The following ENOX1 variants were observed in gnomAD, a reference collection of about 807,000 sequenced individuals.
ENOX1 encodes the protein ecto-NOX disulfide-thiol exchanger 1.
Under a neutral mutation model 82.5 loss-of-function variants are expected in ENOX1, and 42 were observed. The ratio of observed to expected loss-of-function variants is 0.51; its 90% confidence interval spans 0.40 to 0.66. ENOX1 has a LOEUF of 0.66. Among genes scored for constraint, ENOX1 ranks in the 30% least tolerant of loss-of-function variants. The pLI, the probability that ENOX1 is intolerant of heterozygous loss-of-function variation, is 0.00. For missense variants in ENOX1, 608 were observed against 811.6 expected, an observed-to-expected ratio of 0.75 and a Z score of 3.05; for synonymous variants, 271 against 282.2, an observed-to-expected ratio of 0.96 and a Z score of 0.40.
chr13:43,785,741 A>G (rs1000655412), intron 1 of ENOX1, among the ~76,000 whole-genome samples: 3 of 152,106 alleles, frequency 2.0e-5, no homozygotes, highest in Non-Finnish European at 4.4e-5. Context: ...GATGACAACC[A>G]CAACACTCCA....
chr13:43,307,011 C>A (rs910230984), intron 11 of ENOX1, among the ~76,000 whole-genome samples: 5 of 152,106 alleles, frequency 3.3e-5, no homozygotes, highest in Non-Finnish European at 7.4e-5. Context: ...TTTTATAGTG[C>A]CAAATACTTG....
chr13:43,531,670 A>G (rs1401281441), intron 2 of ENOX1, among the ~76,000 whole-genome samples: 1 of 145,762 alleles, frequency 6.9e-6, no homozygotes, highest in Non-Finnish European at 1.5e-5. Flanking sequence ...ACTTGGAACC[A>G]ACCCAAATGT....
chr13:43,477,674 G>A (rs1404042158), intron 3 of ENOX1, among the ~76,000 whole-genome samples: 6 of 152,068 alleles, frequency 3.9e-5, no homozygotes. Flanking sequence ...TTAAAAGAAT[G>A]TTTCAACTCA....
chr13:43,689,419 TAATC>T, intron 1 of ENOX1, among the ~76,000 whole-genome samples: 1 of 152,304 alleles, frequency 6.6e-6, no homozygotes, highest in African/African-American at 2.4e-5. Flanking sequence ...GTTAGATACT[TAATC>T]AATGTATGTA....
At position 43,213,914 on chromosome 13, in the gene ENOX1, A is replaced by C. The variant is rs2041317465; in HGVS notation, c.*76T>G. The C allele has an allele frequency of 1.0e-5, 16 of 1,542,298 alleles. No homozygotes were observed. In the South Asian group the frequency reaches 1.7e-4, roughly 17 times the overall value. ...AGGTTGCGTGCTGGACCAACCCCAC[A>C]CCTCCTGCTTCCCCGTCGCACCGCC... On this transcript the variant is annotated 3_prime_UTR_variant, in exon 17 of 17. Transcript: ENST00000690772.
intron 2 of ENOX1, among the ~76,000 whole-genome samples, chr13:43,611,080 C>T (rs1213395907): frequency 2.6e-5 from 4 of 152,298 alleles, no homozygotes; most frequent in Admixed American, 2.6e-4. Context: ...TTATCTCCCT[C>T]CTATCCCACC....
chr13:43,461,371 C>A (rs1262118175), intron 3 of ENOX1, among the ~76,000 whole-genome samples: 5 of 152,180 alleles, frequency 3.3e-5, no homozygotes, highest in African/African-American at 9.7e-5. Context: ...TTCATTTATT[C>A]ACCTAGGGTT....
At chr13:43,568,977 C>T (rs568727289) in intron 2 of ENOX1, among the ~76,000 whole-genome samples, 1 of 152,174 alleles carries the variant, frequency 6.6e-6, no homozygotes, top group East Asian at 1.9e-4. Context: ...ATCCCCAGGG[C>T]TTGCAGCATG....
chr13:43,342,225 C>T (rs1261268263), intron 9 of ENOX1, among the ~76,000 whole-genome samples: 1 of 152,172 alleles, frequency 6.6e-6, no homozygotes, highest in Non-Finnish European at 1.5e-5. Flanking sequence ...CCGTGTCTAA[C>T]TGACACATCA....
intron 12 of ENOX1, among the ~76,000 whole-genome samples, chr13:43,294,556 G>C (rs1401537545): frequency 6.6e-6 from 1 of 152,132 alleles, no homozygotes; most frequent in African/African-American, 2.4e-5. Context: ...CAGACGCTTG[G>C]GAAAAGAGTT....
chr13:43,719,344 CACA>C (rs2088398558), intron 1 of ENOX1, among the ~76,000 whole-genome samples: 1 of 148,840 alleles, frequency 6.7e-6, no homozygotes. Context: ...CACACACACA[CACA>C]CCAGCAATCG....
chr13:43,688,428 T>C (rs142903837), intron 1 of ENOX1, among the ~76,000 whole-genome samples: 5 of 152,216 alleles, frequency 3.3e-5, no homozygotes, highest in Non-Finnish European at 7.4e-5. Flanking sequence ...ATTGACCAGA[T>C]GAGAGGTTGG....
At chr13:43,476,058 T>TA (rs1306576326) in intron 3 of ENOX1, among the ~76,000 whole-genome samples, 1 of 152,090 alleles carries the variant, frequency 6.6e-6, no homozygotes, top group Non-Finnish European at 1.5e-5. Context: ...ATTGAAGTGT[T>TA]AGAGTGTTTC....
At chr13:43,616,454 A>G (rs13378158) in intron 2 of ENOX1, among the ~76,000 whole-genome samples, 109,300 of 150,082 alleles carry the variant, frequency 0.73, 39,991 homozygotes, top group East Asian at 0.95. Context: ...CTCCCGCCTC[A>G]GCCTCCCAAA....
At chr13:43,378,304 A>T (rs2051785535) in intron 5 of ENOX1, among the ~76,000 whole-genome samples, 1 of 152,220 alleles carries the variant, frequency 6.6e-6, no homozygotes, top group Non-Finnish European at 1.5e-5. Flanking sequence ...AATAGTTGGT[A>T]GTTTAGGATG....
chr13:43,278,925 A>T (rs1324129397), intron 12 of ENOX1, among the ~76,000 whole-genome samples: 1 of 152,208 alleles, frequency 6.6e-6, no homozygotes, highest in East Asian at 1.9e-4. Flanking sequence ...TATTCATTCC[A>T]TTTTATGATA....
intron 2 of ENOX1, among the ~76,000 whole-genome samples, chr13:43,587,957 A>T (rs2081070221): frequency 6.6e-6 from 1 of 151,644 alleles, no homozygotes; most frequent in Admixed American, 6.6e-5. Flanking sequence ...TTTCCAAAAA[A>T]AAAAATCTAT....
chr13:43,453,988 G>A (rs566196637), intron 3 of ENOX1, among the ~76,000 whole-genome samples: 2 of 152,176 alleles, frequency 1.3e-5, no homozygotes, highest in South Asian at 4.2e-4. Flanking sequence ...ACATGAGATA[G>A]ATAAATGAGT....
chr13:43,611,352 G>C (rs1372933724), intron 2 of ENOX1, among the ~76,000 whole-genome samples: 3 of 152,146 alleles, frequency 2.0e-5, no homozygotes, highest in Admixed American at 6.5e-5. Flanking sequence ...ATATACTGAA[G>C]GGTTTGAAGC....
Sources: gnomAD v4.1 joint callset for allele counts (sites outside exome capture counted in the v4.1 genomes callset) on GRCh38, gnomAD v4.1.1 for gene constraint, MANE v1.5 for transcripts, NCBI Gene and HGNC (gene_info 2026-07-23, HGNC 2026-07-21) for gene names.